CLASP2: variants seen among roughly 807,000 people sequenced by gnomAD.
The protein encoded by CLASP2 is CLIP-associating protein 2.
In CLASP2, 47 loss-of-function variants were observed where a neutral mutation model predicts 194.4. The ratio of observed to expected loss-of-function variants is 0.24; its 90% CI spans 0.19 to 0.31. The LOEUF is 0.31. Ranked by LOEUF, CLASP2 falls within the 10% of genes least tolerant of loss-of-function variation. The probability of loss-of-function intolerance (pLI) is 1.00; values close to 1 mark genes in which losing one functional copy is unlikely to be tolerated. For synonymous variants in CLASP2, 619 were observed against 633.5 expected, an observed-to-expected ratio of 0.98 and a Z score of 0.34; for missense variants, 1,445 against 1,823.6, an observed-to-expected ratio of 0.79 and a Z score of 3.78.
At chr3:33,567,960 T>C (rs1236788661) in intron 26 of CLASP2, among the ~76,000 whole-genome samples, 1 of 152,220 alleles carries the variant, frequency 6.6e-6, no homozygotes, top group Non-Finnish European at 1.5e-5. Context: ...CTTTAAATTA[T>C]ACATTTGCTG....
chr3:33,708,473 T>TGG (rs1280657347), intron 1 of CLASP2, among the ~76,000 whole-genome samples: 1 of 70,522 alleles, frequency 1.4e-5, no homozygotes, highest in Admixed American at 1.8e-4. Context: ...TGTGTGTGGG[T>TGG]GTGTGTGTGT....
At position 33,542,334 on chromosome 3, in the gene CLASP2, TATC is replaced by T. The variant is rs200034395; in HGVS notation, c.3404+1096_3404+1098del. ...TATATGTTTATATATATAATTCATA[TATC>T]ATTATATATATAATGAATTACATAT... is the stretch of plus-strand genomic sequence containing the variant. On this transcript the variant is annotated intron_variant, in intron 32 of 38. Coordinates refer to ENST00000682230, the MANE Select transcript of CLASP2 (RefSeq NM_001365631.1). Among the ~76,000 whole-genome samples, 69 of 148,406 alleles carry T rather than the reference TATC, an allele frequency of 4.6e-4. No individual in the cohort carries two copies. In the East Asian group the frequency reaches 0.011, roughly 23 times the overall value.
intron 30 of CLASP2, among the ~76,000 whole-genome samples, chr3:33,548,753 GGTTTC>G (rs1559971056): frequency 6.7e-6 from 1 of 148,776 alleles, no homozygotes; most frequent in African/African-American, 2.5e-5. Flanking sequence ...TAACGACTAC[GGTTTC>G]ATTTCTTTTT....
At chr3:33,596,377 T>C (rs1428253572) in intron 19 of CLASP2, among the ~76,000 whole-genome samples, 4 of 152,150 alleles carry the variant, frequency 2.6e-5, no homozygotes, top group Admixed American at 6.5e-5. Flanking sequence ...ACTTAGGAGA[T>C]TTCTTTCCAT....
chr3:33,629,772 A>G (rs2078718088), intron 9 of CLASP2, among the ~76,000 whole-genome samples: 1 of 151,562 alleles, frequency 6.6e-6, no homozygotes, highest in Non-Finnish European at 1.5e-5. Flanking sequence ...TTAAAAAAAA[A>G]TCATTGCTTA....
At chr3:33,577,877 G>C (rs2065229398) in intron 23 of CLASP2, among the ~76,000 whole-genome samples, 1 of 152,180 alleles carries the variant, frequency 6.6e-6, no homozygotes, top group African/African-American at 2.4e-5. Context: ...TGTGAACAAA[G>C]GAATGGGTCC....
chr3:33,564,185 C>T (rs775781809), intron 27 of CLASP2, among the ~76,000 whole-genome samples: 6 of 152,044 alleles, frequency 3.9e-5, no homozygotes, highest in Non-Finnish European at 8.8e-5. Context: ...AGAACTAGAA[C>T]CAGGCTTAAG....
chr3:33,677,775 T>A (rs2089043467), intron 6 of CLASP2, among the ~76,000 whole-genome samples: 1 of 150,386 alleles, frequency 6.6e-6, no homozygotes, highest in South Asian at 2.1e-4. Flanking sequence ...AAAAAAATTA[T>A]TCCTATTTTA....
intron 7 of CLASP2, among the ~76,000 whole-genome samples, chr3:33,645,929 TACACACACACACACACACACACAC>T (rs60196645): frequency 6.7e-5 from 9 of 135,118 alleles, no homozygotes; most frequent in African/African-American, 2.2e-4. Flanking sequence ...TCTCCCAGCA[TACACACACACACACACACACACAC>T]ACACACACAC....
chr3:33,582,861 C>G (rs2066460560), intron 22 of CLASP2, among the ~76,000 whole-genome samples: 1 of 152,110 alleles, frequency 6.6e-6, no homozygotes, highest in Non-Finnish European at 1.5e-5. Flanking sequence ...ATGAAAACTT[C>G]AGAGGCTCAT....
intron 27 of CLASP2, among the ~76,000 whole-genome samples, chr3:33,565,305 TGTAG>T (rs961137381): frequency 6.6e-6 from 1 of 151,934 alleles, no homozygotes; most frequent in African/African-American, 2.4e-5. Context: ...CAGCCTTCTG[TGTAG>T]GTAGGATTAC....
intron 19 of CLASP2, among the ~76,000 whole-genome samples, chr3:33,595,356 C>T (rs1277191169): frequency 6.6e-6 from 1 of 151,976 alleles, no homozygotes; most frequent in Non-Finnish European, 1.5e-5. Context: ...GTTTTCTCTG[C>T]ATTTTCAAAA....
At chr3:33,685,572 T>C (rs889125182) in intron 5 of CLASP2, among the ~76,000 whole-genome samples, 11 of 152,030 alleles carry the variant, frequency 7.2e-5, no homozygotes, top group African/African-American at 2.7e-4. Context: ...CATCCACAGA[T>C]AAATGGATAA....
chr3:33,711,556 A>G (rs913513219), intron 1 of CLASP2, among the ~76,000 whole-genome samples: 4 of 151,540 alleles, frequency 2.6e-5, no homozygotes, highest in African/African-American at 7.3e-5. Flanking sequence ...CACCATGCTC[A>G]GCGCAGTATA....
intron 7 of CLASP2, among the ~76,000 whole-genome samples, chr3:33,662,554 T>C (rs944121294): frequency 3.3e-5 from 5 of 152,218 alleles, no homozygotes; most frequent in Admixed American, 3.3e-4. Context: ...AACACTCACT[T>C]ACTCCATCTG....
chr3:33,711,196 T>C (rs986044476), intron 1 of CLASP2, among the ~76,000 whole-genome samples: 1 of 152,116 alleles, frequency 6.6e-6, no homozygotes, highest in South Asian at 2.1e-4. Context: ...ACACCTTCAG[T>C]TGCCCTAGTG....
In CLASP2 at chr3:33,573,234, T is replaced by C; in HGVS notation, c.2575A>G (p.Thr859Ala). 1 of 1,613,956 alleles carries C rather than the reference T, an allele frequency of 6.2e-7. No homozygotes were observed. Residue 859 changes from threonine (T) to alanine (A), a missense_variant, in exon 25 of 39, where the codon ACA (threonine) becomes GCA (alanine). Around this residue, in one of 4 missense-constraint regions of CLASP2, gnomAD observed 732 missense variants for 987.9 expected, o/e 0.74. Coordinates refer to ENST00000682230, the MANE Select transcript of CLASP2 (RefSeq NM_001365631.1). Reference sequence around the variant, plus strand: ...ACATCTTCCGTCTGCCTCATATATGTAGGAATACTACCATTTCGAGAACTA... The same window carrying C: ...ACATCTTCCGTCTGCCTCATATATGCAGGAATACTACCATTTCGAGAACTA... ...SYSSRNGSIP[T>A]YMRQTEDVAE...
chr3:33,597,631 T>C (rs1404086489), intron 18 of CLASP2, among the ~76,000 whole-genome samples: 1 of 152,116 alleles, frequency 6.6e-6, no homozygotes, highest in Non-Finnish European at 1.5e-5. Context: ...ATGTGCCTAA[T>C]TGTGGCTGGC....
intron 8 of CLASP2, among the ~76,000 whole-genome samples, chr3:33,642,504 T>C (rs1233769394): frequency 6.6e-6 from 1 of 151,916 alleles, no homozygotes; most frequent in Non-Finnish European, 1.5e-5. Context: ...ATTATGTCCA[T>C]GTGTAGTGGC....
Sources: allele counts gnomAD v4.1 joint callset (sites outside exome capture counted in the v4.1 genomes callset), GRCh38; gene constraint gnomAD v4.1.1; regional missense constraint gnomAD v4.1.1; transcripts MANE v1.5; gene names NCBI Gene and HGNC (gene_info 2026-07-23, HGNC 2026-07-21).